BTBD9: variants seen among roughly 807,000 people sequenced by gnomAD.
The protein encoded by BTBD9 is BTB domain containing 9.
A neutral mutation model predicts 64.3 loss-of-function variants in BTBD9; 49 were observed. That is an observed-to-expected ratio of 0.76 (90% CI 0.61 to 0.97). The LOEUF (loss-of-function observed/expected upper bound fraction) is 0.97, where lower values mean the gene tolerates loss of function less well. Among genes scored for constraint, BTBD9 ranks in the 50% least tolerant of loss-of-function variants. The pLI is 0.00. For synonymous variants in BTBD9, 260 were observed against 274.7 expected (o/e 0.95, Z 0.53); for missense variants, 598 against 762.1 (o/e 0.78, Z 2.53).
At chr6:38,209,761 G>A (rs553724122) in intron 9 of BTBD9, among the ~76,000 whole-genome samples, 6 of 152,324 alleles carry the variant, frequency 3.9e-5, no homozygotes, top group Admixed American at 2.0e-4. Flanking sequence ...ACTACAGTCC[G>A]CTTCCACCTC....
intron 4 of BTBD9, chr6:38,588,487 CT>C: frequency 1.1e-6 from 1 of 869,806 alleles, no homozygotes; most frequent in Non-Finnish European, 1.8e-6. Flanking sequence ...TATGTCCTCC[CT>C]TTGGTCAGGG....
intron 6 of BTBD9, among the ~76,000 whole-genome samples, chr6:38,507,828 A>ATTTTTTTTTT: frequency 8.0e-6 from 1 of 125,428 alleles, no homozygotes; most frequent in Non-Finnish European, 1.7e-5. Flanking sequence ...TGTCTCCCAA[A>ATTTTTTTTTT]TTTTTTTTTT....
intron 7 of BTBD9, among the ~76,000 whole-genome samples, chr6:38,313,207 A>C (rs986019356): frequency 1.3e-5 from 2 of 152,172 alleles, no homozygotes; most frequent in African/African-American, 4.8e-5. Flanking sequence ...GTTTGCCATA[A>C]GCATATAAAA....
At chr6:38,428,395 C>A (rs913097646) in intron 6 of BTBD9, among the ~76,000 whole-genome samples, 1 of 151,276 alleles carries the variant, frequency 6.6e-6, no homozygotes. Context: ...TAATGCCCCA[C>A]CCCCACCCAC....
chr6:38,435,180 C>A (rs1400245648), intron 6 of BTBD9, among the ~76,000 whole-genome samples: 2 of 125,180 alleles, frequency 1.6e-5, no homozygotes, highest in Non-Finnish European at 3.2e-5. Flanking sequence ...GGCAACAGAG[C>A]AAGACTCTGT....
At chr6:38,283,521 T>C (rs1761599943) in intron 8 of BTBD9, among the ~76,000 whole-genome samples, 1 of 152,124 alleles carries the variant, frequency 6.6e-6, no homozygotes, top group Admixed American at 6.6e-5. Context: ...TGGTGGTGCA[T>C]GCCTGTGGTC....
chr6:38,621,936 C>T (rs966566319), intron 1 of BTBD9, among the ~76,000 whole-genome samples: 4 of 152,222 alleles, frequency 2.6e-5, no homozygotes, highest in Admixed American at 1.3e-4. Context: ...CCAGTATTCC[C>T]TGACCAAAAC....
At chr6:38,305,142 G>A (rs1004519433) in intron 7 of BTBD9, among the ~76,000 whole-genome samples, 1 of 152,130 alleles carries the variant, frequency 6.6e-6, no homozygotes, top group African/African-American at 2.4e-5. Context: ...TTTACGGAAA[G>A]CTAGGAAAAT....
At chr6:38,506,395 T>G (rs184822263) in intron 6 of BTBD9, among the ~76,000 whole-genome samples, 84 of 152,358 alleles carry the variant, frequency 5.5e-4, no homozygotes, top group African/African-American at 1.9e-3. Flanking sequence ...GCTCATATAA[T>G]TTACTGAATA....
At chr6:38,605,217 T>C (rs954396056) in intron 1 of BTBD9, among the ~76,000 whole-genome samples, 1 of 152,076 alleles carries the variant, frequency 6.6e-6, no homozygotes, top group Non-Finnish European at 1.5e-5. Flanking sequence ...TGGTTAACTT[T>C]TGTATTTTTA....
At chr6:38,460,436 G>A (rs1055516489) in intron 6 of BTBD9, among the ~76,000 whole-genome samples, 2 of 152,126 alleles carry the variant, frequency 1.3e-5, no homozygotes, top group Non-Finnish European at 2.9e-5. Flanking sequence ...CCGCAGTTGC[G>A]TATTTATTTC....
At chr6:38,608,090 C>T (rs1777489568) in intron 1 of BTBD9, among the ~76,000 whole-genome samples, 1 of 152,150 alleles carries the variant, frequency 6.6e-6, no homozygotes, top group African/African-American at 2.4e-5. Context: ...TATTCAGTCA[C>T]AAACATTCCC....
chr6:38,261,682 C>T (rs557759194), intron 8 of BTBD9, among the ~76,000 whole-genome samples: 8 of 152,256 alleles, frequency 5.3e-5, no homozygotes, highest in South Asian at 4.1e-4. Context: ...CCTAGTCTAT[C>T]GATCTTTACC....
chr6:38,345,402 C>G (rs1364878996), intron 6 of BTBD9, among the ~76,000 whole-genome samples: 1 of 152,204 alleles, frequency 6.6e-6, no homozygotes, highest in Non-Finnish European at 1.5e-5. Context: ...AGGTACATGA[C>G]CGTAAGACAT....
At chr6:38,266,596 GGAAAGAAAGGAAAGAAAGAAA>G (rs1303802868) in intron 8 of BTBD9, among the ~76,000 whole-genome samples, 57 of 91,616 alleles carry the variant, frequency 6.2e-4, no homozygotes, top group Middle Eastern at 5.2e-3. Context: ...AGGAAAGAAA[GGAAAGAAAGGAAAGAAAGAAA>G]GAAAGAAAGA....
intron 7 of BTBD9, among the ~76,000 whole-genome samples, chr6:38,295,457 C>T (rs577004625): frequency 4.6e-5 from 7 of 152,256 alleles, no homozygotes; most frequent in African/African-American, 1.4e-4. Flanking sequence ...TGAGCCACCA[C>T]GCCTGGCAAA....
At chr6:38,496,126 G>A (rs992457383) in intron 6 of BTBD9, among the ~76,000 whole-genome samples, 2 of 152,170 alleles carry the variant, frequency 1.3e-5, no homozygotes, top group Non-Finnish European at 2.9e-5. Flanking sequence ...TCTGTCACTG[G>A]CAAGAACAGG....
chr6:38,436,166 GAAGTT>G (rs1768727258), intron 6 of BTBD9, among the ~76,000 whole-genome samples: 1 of 151,818 alleles, frequency 6.6e-6, no homozygotes, highest in African/African-American at 2.4e-5. Context: ...CGTAAAAAAT[GAAGTT>G]AAGAGGTAAA....
intron 10 of BTBD9, among the ~76,000 whole-genome samples, chr6:38,187,697 A>G (rs149659653): frequency 3.3e-5 from 5 of 152,200 alleles, no homozygotes; most frequent in African/African-American, 9.7e-5. Flanking sequence ...TGAGTACACA[A>G]GGAACAGGGG....
Sources: allele counts gnomAD v4.1 joint callset (sites outside exome capture counted in the v4.1 genomes callset), GRCh38; gene constraint gnomAD v4.1.1; transcripts MANE v1.5; gene names NCBI Gene and HGNC (gene_info 2026-07-23, HGNC 2026-07-21).